The following EYS variants were observed in gnomAD, a reference collection of about 807,000 sequenced individuals.
The protein encoded by EYS is protein eyes shut homolog.
A neutral mutation model predicts 282.1 loss-of-function variants in EYS; 250 were observed. The observed-to-expected ratio is 0.89, with a 90% confidence interval of 0.80 to 0.98. The LOEUF (loss-of-function observed/expected upper bound fraction) is 0.98, where lower values mean the gene tolerates loss of function less well. Among genes scored for constraint, EYS ranks in the 50% least tolerant of loss-of-function variants. The pLI is 0.00. For synonymous variants in EYS, 1,355 were observed against 1,282.9 expected, an observed-to-expected ratio of 1.06 and a Z score of -1.20; for missense variants, 4,016 against 3,709.0, an observed-to-expected ratio of 1.08 and a Z score of -2.15.
chr6:64,698,449 G>T (rs561300960), intron 22 of EYS, among the ~76,000 whole-genome samples: 57 of 151,812 alleles, frequency 3.8e-4, no homozygotes, highest in Middle Eastern at 3.4e-3. Context: ...AAAAGAAGAG[G>T]GAAGATTTAA....
At chr6:65,576,556 A>G (rs1177673332) in intron 2 of EYS, among the ~76,000 whole-genome samples, 1 of 151,932 alleles carries the variant, frequency 6.6e-6, no homozygotes, top group East Asian at 1.9e-4. Context: ...TTATTCAAAA[A>G]TAGAGTTGGA....
At chr6:64,753,831 C>T (rs1289008652) in intron 22 of EYS, among the ~76,000 whole-genome samples, 2 of 151,808 alleles carry the variant, frequency 1.3e-5, no homozygotes, top group South Asian at 2.1e-4. Flanking sequence ...TAAAACATTC[C>T]CCAAGAGACA....
At chr6:64,922,570 T>G (rs1007724247) in intron 15 of EYS, among the ~76,000 whole-genome samples, 1 of 152,142 alleles carries the variant, frequency 6.6e-6, no homozygotes, top group Admixed American at 6.5e-5. Context: ...TATATATTAG[T>G]TAATAAAATG....
In EYS at chr6:63,946,447, A is replaced by AT. The variant is rs558223458; in HGVS notation, c.7055+37935dup. On this transcript the variant is annotated intron_variant, in intron 35 of 42. Transcript: ENST00000503581. ...ATTAACTCATACAAATGATTCTTAG[A>AT]TTTTTTTAGTAGAAAGTCATACTAA... is the stretch of plus-strand genomic sequence containing the variant. Among the ~76,000 whole-genome samples, 16 of 152,238 alleles carry AT rather than the reference A, an allele frequency of 1.1e-4. 1 individual carries two copies. The highest frequency in any genetic ancestry group is 8.5e-4 in the Admixed American group (13 of 15,272).
At chr6:63,916,534 C>A (rs911671863) in intron 35 of EYS, among the ~76,000 whole-genome samples, 1 of 151,868 alleles carries the variant, frequency 6.6e-6, no homozygotes, top group Admixed American at 6.6e-5. Context: ...AATGTCTATT[C>A]GAATTTTTTA....
intron 11 of EYS, among the ~76,000 whole-genome samples, chr6:65,305,430 T>A (rs1768977820): frequency 1.3e-5 from 2 of 152,280 alleles, no homozygotes; most frequent in African/African-American, 4.8e-5. Context: ...ACCCACTCAG[T>A]CTGTGTTAGA....
At chr6:64,915,089 TA>T (rs2150078113) in intron 15 of EYS, among the ~76,000 whole-genome samples, 1 of 152,278 alleles carries the variant, frequency 6.6e-6, no homozygotes, top group African/African-American at 2.4e-5. Context: ...TCCTTTTACT[TA>T]TAAAAGTTTC....
intron 37 of EYS, among the ~76,000 whole-genome samples, chr6:63,799,204 G>A (rs183282638): frequency 4.7e-4 from 71 of 151,510 alleles, no homozygotes; most frequent in East Asian, 4.1e-3. Flanking sequence ...AGTAGAGACA[G>A]GGTCTTGCCA....
intron 12 of EYS, among the ~76,000 whole-genome samples, chr6:65,074,165 A>G (rs1773979794): frequency 6.6e-6 from 1 of 152,104 alleles, no homozygotes; most frequent in Admixed American, 6.6e-5. Context: ...TAACTCTAGA[A>G]ATAAACAAAA....
At chr6:65,658,614 T>C (rs769605884) in intron 1 of EYS, among the ~76,000 whole-genome samples, 3 of 151,894 alleles carry the variant, frequency 2.0e-5, no homozygotes, top group African/African-American at 4.8e-5. Flanking sequence ...ATTCAGTATA[T>C]TTCAAATTTA....
At chr6:64,017,898 C>A (rs1293686519) in intron 33 of EYS, among the ~76,000 whole-genome samples, 1 of 152,166 alleles carries the variant, frequency 6.6e-6, no homozygotes, top group East Asian at 1.9e-4. Context: ...CATAAAGGAA[C>A]TTATACATTT....
At chr6:65,137,231 T>C (rs1212223339) in intron 12 of EYS, among the ~76,000 whole-genome samples, 2 of 152,090 alleles carry the variant, frequency 1.3e-5, no homozygotes, top group African/African-American at 4.8e-5. Flanking sequence ...AAATTCACTC[T>C]AGTTTCTCTG....
chr6:64,236,019 A>G (rs533623743), intron 30 of EYS, among the ~76,000 whole-genome samples: 3 of 152,334 alleles, frequency 2.0e-5, no homozygotes, highest in African/African-American at 7.2e-5. Flanking sequence ...AGACACAACC[A>G]AAAAAGAGAA....
In EYS at chr6:64,048,554, G is replaced by A. The variant is rs1293745241; in HGVS notation, c.6725+17784C>T. 2.0e-5 allele frequency among the ~76,000 whole-genome samples: 3 copies of A among 152,168 alleles called. No homozygotes were observed. In the East Asian group the frequency reaches 5.8e-4, roughly 29 times the overall value. On this transcript the variant is annotated intron_variant, in intron 33 of 42. Coordinates refer to ENST00000503581, the MANE Select transcript of EYS (RefSeq NM_001142800.2). ...TTCAAATGGCCCCAGTACAAACATG[G>A]CATCTAACTTCTCTAGTAGAATAAA...
intron 12 of EYS, among the ~76,000 whole-genome samples, chr6:65,142,014 T>C (rs990722511): frequency 9.2e-5 from 14 of 152,040 alleles, no homozygotes; most frequent in African/African-American, 3.4e-4. Flanking sequence ...AGAGCAAACA[T>C]GTGTAACTCC....
chr6:64,118,952 A>C (rs911025424), intron 31 of EYS, among the ~76,000 whole-genome samples: 1 of 152,194 alleles, frequency 6.6e-6, no homozygotes, highest in African/African-American at 2.4e-5. Context: ...AAAAATGTTC[A>C]ACATCACTAA....
intron 25 of EYS, 103 bp downstream of exon 25, chr6:64,593,014 G>T: frequency 1.3e-6 from 1 of 768,018 alleles, no homozygotes; most frequent in Non-Finnish European, 1.8e-6. Flanking sequence ...TAAAAATCAT[G>T]TATCTCAGAA....
chr6:64,483,334 C>T (rs577178050), intron 26 of EYS, among the ~76,000 whole-genome samples: 5 of 151,740 alleles, frequency 3.3e-5, no homozygotes, highest in Admixed American at 3.3e-4. Context: ...TATGGTTAAA[C>T]AAAAATGTGG....
intron 35 of EYS, among the ~76,000 whole-genome samples, chr6:63,969,913 G>A (rs1429492752): frequency 3.3e-5 from 5 of 152,180 alleles, no homozygotes; most frequent in South Asian, 2.1e-4. Context: ...TCAGTCATGA[G>A]GACACTCATG....
Sources: gnomAD v4.1 joint callset for allele counts (sites outside exome capture counted in the v4.1 genomes callset) on GRCh38, gnomAD v4.1.1 for gene constraint, MANE v1.5 for transcripts, NCBI Gene and HGNC (gene_info 2026-07-23, HGNC 2026-07-21) for gene names.